The following GFRA1 variants were observed in gnomAD, a reference collection of about 807,000 sequenced individuals.
GFRA1 encodes the protein GDNF family receptor alpha-1.
GFRA1 carries 16 observed loss-of-function variants against 51.6 expected under a neutral mutation model. The ratio of observed to expected loss-of-function variants is 0.31; its 90% CI spans 0.21 to 0.47. The LOEUF (loss-of-function observed/expected upper bound fraction) is 0.47, where lower values mean the gene tolerates loss of function less well. Ranked by LOEUF, GFRA1 falls within the 20% of genes least tolerant of loss-of-function variation. The probability of loss-of-function intolerance (pLI) is 1.00; values close to 1 mark genes in which losing one functional copy is unlikely to be tolerated. For synonymous variants in GFRA1, 270 were observed against 241.3 expected, an observed-to-expected ratio of 1.12 and a Z score of -1.10; for missense variants, 530 against 594.3, an observed-to-expected ratio of 0.89 and a Z score of 1.13.
chr10:116,274,545 C>T (rs1246968528), upstream of GFRA1, among the ~76,000 whole-genome samples: 1 of 152,162 alleles, frequency 6.6e-6, no homozygotes, highest in African/African-American at 2.4e-5. Flanking sequence ...ACACATCAGC[C>T]AGGCGCGCCC....
chr10:116,061,283 T>TACAGGAAAC lies in GFRA1; in HGVS notation c.*3114_*3115insGTTTCCTGT, dbSNP rs1267750141. On this transcript the variant is annotated 3_prime_UTR_variant, in exon 11 of 11. Coordinates refer to ENST00000355422, the MANE Select transcript of GFRA1 (RefSeq NM_005264.8). Reference sequence around the variant, plus strand: ...AAAAGAAATGGAAACCACACTCCTATCACATTCTAGATCGTTTGCTATACT... The same window carrying TACAGGAAAC: ...AAAAGAAATGGAAACCACACTCCTATACAGGAAACCACATTCTAGATCGTTTGCTATACT... The TACAGGAAAC allele has an allele frequency of 3.3e-5, 5 of 150,320 alleles. No individual in the cohort carries two copies. Among genetic ancestry groups the TACAGGAAAC allele is most frequent in the Admixed American group, 2.6e-4 (4 of 15,164 alleles). The allele number at this position is 150,320 out of a possible 1,614,324, so 9.3% of individuals were successfully genotyped here. A position where few individuals can be genotyped will look rare whatever the true frequency, so the allele number is the denominator to read the frequency against.
chr10:116,261,479 T>G (rs991120059), intron 4 of GFRA1, among the ~76,000 whole-genome samples: 2 of 152,234 alleles, frequency 1.3e-5, no homozygotes, highest in African/African-American at 4.8e-5. Flanking sequence ...CTGAGCTCAC[T>G]CCTAGCTTCA....
At chr10:116,261,501 C>A (rs952247718) in intron 4 of GFRA1, among the ~76,000 whole-genome samples, 3 of 152,124 alleles carry the variant, frequency 2.0e-5, no homozygotes, top group Non-Finnish European at 4.4e-5. Flanking sequence ...TTTCTCTTTC[C>A]TACTCTCATT....
chr10:116,259,248 A>T (rs982805486), intron 4 of GFRA1, among the ~76,000 whole-genome samples: 1 of 152,156 alleles, frequency 6.6e-6, no homozygotes, highest in African/African-American at 2.4e-5. Context: ...GACCTAGAGG[A>T]AAGTGGCACC....
At chr10:116,098,304 G>A (rs1333420090) in intron 6 of GFRA1, among the ~76,000 whole-genome samples, 1 of 152,240 alleles carries the variant, frequency 6.6e-6, no homozygotes, top group Non-Finnish European at 1.5e-5. Flanking sequence ...ACGCACCTGA[G>A]TGGCAACCAC....
chr10:116,237,574 CAA>C (rs5788145), intron 4 of GFRA1, among the ~76,000 whole-genome samples: 30,787 of 112,456 alleles, frequency 0.27, 4,234 homozygotes, highest in African/African-American at 0.45. Context: ...AAACTAAAGG[CAA>C]AAAAAAAAAA....
rs567975930 is a variant in GFRA1, at chr10:116,127,572, G to A, written c.434-2015C>T. ...AAGTTGGCAGCTGCACATCCATCCC[G>A]GCTTTAACAAGCACACCTGGTACTG... On this transcript the variant is annotated intron_variant, in intron 5 of 10. Transcript: ENST00000355422. 1.3e-4 allele frequency among the ~76,000 whole-genome samples: 20 copies of A among 152,204 alleles called. No individual in the cohort carries two copies. In the East Asian group the frequency reaches 2.9e-3, roughly 22 times the overall value.
chr10:116,135,695 T>A (rs1013549597), intron 5 of GFRA1, among the ~76,000 whole-genome samples: 4 of 152,196 alleles, frequency 2.6e-5, no homozygotes, highest in African/African-American at 9.7e-5. Flanking sequence ...ATAATTGAGG[T>A]CAGATTTGTT....
chr10:116,089,193 C>T (rs1442890361), intron 9 of GFRA1, among the ~76,000 whole-genome samples: 1 of 152,104 alleles, frequency 6.6e-6, no homozygotes, highest in Non-Finnish European at 1.5e-5. Context: ...GCAGCTTGTG[C>T]CTCCTCACGG....
At chr10:116,168,516 T>C (rs1960714542) in intron 5 of GFRA1, among the ~76,000 whole-genome samples, 1 of 152,142 alleles carries the variant, frequency 6.6e-6, no homozygotes, top group South Asian at 2.1e-4. Flanking sequence ...CTACCTACTG[T>C]TGTGTCACTC....
At chr10:116,148,030 A>G (rs74430239) in intron 5 of GFRA1, among the ~76,000 whole-genome samples, 9 of 116,316 alleles carry the variant, frequency 7.7e-5, no homozygotes, top group Non-Finnish European at 1.4e-4. Context: ...GCGCGCATGC[A>G]TGTGTGCATG....
chr10:116,116,306 A>C lies in GFRA1; in HGVS notation c.770+8915T>G, dbSNP rs535235030. Among the ~76,000 whole-genome samples the C allele has an allele frequency of 2.0e-5, 3 of 152,354 alleles. No homozygotes were observed. The East Asian group carries it at 5.8e-4, about 29-fold the overall frequency. ...CTTCCTGATGATTAACATAATGGCC[A>C]CAAGCCAGGGAGAAGGCAGGAAGGT... On this transcript the variant is annotated intron_variant, in intron 6 of 10. Coordinates refer to ENST00000355422, the MANE Select transcript of GFRA1 (RefSeq NM_005264.8).
At chr10:116,254,778 T>C (rs1968693637) in intron 4 of GFRA1, among the ~76,000 whole-genome samples, 1 of 152,162 alleles carries the variant, frequency 6.6e-6, no homozygotes. Context: ...AAGAGAAACC[T>C]TGTCACAGGA....
At position 116,172,269 on chromosome 10, in the gene GFRA1, A is replaced by G. The variant is rs565445020; in HGVS notation, c.433+39362T>C. On this transcript the variant is annotated intron_variant, in intron 5 of 10. Transcript: ENST00000355422. The stretch of plus-strand genomic sequence containing the variant: ...TGACACACTAGACATTAGAGGTAAG[A>G]CAAGGGAGCTGACGTATACCCACCC... 3.9e-5 allele frequency among the ~76,000 whole-genome samples: 6 copies of G among 152,206 alleles called. No homozygotes were observed. The East Asian group carries it at 1.2e-3, about 29-fold the overall frequency.
intron 5 of GFRA1, among the ~76,000 whole-genome samples, chr10:116,182,831 C>T (rs763081557): frequency 4.6e-5 from 7 of 152,216 alleles, no homozygotes; most frequent in Non-Finnish European, 8.8e-5. Context: ...GTTACAGTCA[C>T]TAAGGTATCA....
At chr10:116,122,580 T>G (rs935020147) in intron 6 of GFRA1, among the ~76,000 whole-genome samples, 2 of 152,170 alleles carry the variant, frequency 1.3e-5, no homozygotes, top group Non-Finnish European at 2.9e-5. Context: ...GGAAAGCAAT[T>G]TGATCTAATG....
chr10:116,177,137 T>C (rs2033633778), intron 5 of GFRA1, among the ~76,000 whole-genome samples: 1 of 152,140 alleles, frequency 6.6e-6, no homozygotes, highest in South Asian at 2.1e-4. Context: ...GAGGCCTGAC[T>C]ATGATGAATA....
intron 5 of GFRA1, among the ~76,000 whole-genome samples, chr10:116,178,159 G>A (rs908909455): frequency 2.0e-5 from 3 of 152,188 alleles, no homozygotes; most frequent in Non-Finnish European, 4.4e-5. Context: ...TCTTGTTTGG[G>A]CTTGGCTTTT....
chr10:116,226,745 A>G (rs972489598), intron 4 of GFRA1: 1 of 414,168 alleles, frequency 2.4e-6, no homozygotes, highest in African/African-American at 2.0e-5. Context: ...ACCATAATGT[A>G]TTATAGAACC....
Sources: gnomAD v4.1 joint callset for allele counts (sites outside exome capture counted in the v4.1 genomes callset) on GRCh38, gnomAD v4.1.1 for gene constraint, MANE v1.5 for transcripts, NCBI Gene and HGNC (gene_info 2026-07-23, HGNC 2026-07-21) for gene names.